The following CDKAL1 variants were observed in gnomAD, a reference collection of about 807,000 sequenced individuals.
CDKAL1 encodes threonylcarbamoyladenosine tRNA methylthiotransferase.
CDKAL1 carries 32 observed loss-of-function variants against 68.2 expected under a neutral mutation model. The observed-to-expected ratio is 0.47, with a 90% confidence interval of 0.35 to 0.63. CDKAL1 has a LOEUF of 0.63. Among genes scored for constraint, CDKAL1 ranks in the 30% least tolerant of loss-of-function variants. The pLI, the probability that CDKAL1 is intolerant of heterozygous loss-of-function variation, is 0.00. For synonymous variants in CDKAL1, 234 were observed against 244.3 expected (o/e 0.96, Z 0.39); for missense variants, 606 against 696.7 (o/e 0.87, Z 1.47).
intron 7 of CDKAL1, among the ~76,000 whole-genome samples, chr6:20,774,222 T>C (rs1032104217): frequency 4.6e-5 from 7 of 151,996 alleles, no homozygotes; most frequent in Non-Finnish European, 8.8e-5. Flanking sequence ...AGGGAAAAAA[T>C]AAACAATAGG....
intron 13 of CDKAL1, among the ~76,000 whole-genome samples, chr6:21,173,836 G>A (rs769509815): frequency 1.8e-4 from 27 of 152,226 alleles, no homozygotes; most frequent in Non-Finnish European, 2.2e-4. Flanking sequence ...TTGGGAGGCT[G>A]AGGCAAGAGT....
intron 8 of CDKAL1, among the ~76,000 whole-genome samples, chr6:20,784,412 CTTTTT>C (rs1175015329): frequency 7.2e-4 from 24 of 33,476 alleles, no homozygotes; most frequent in South Asian, 2.1e-3. Context: ...TATTTTATTT[CTTTTT>C]TTTTTTTTTT....
intron 13 of CDKAL1, among the ~76,000 whole-genome samples, chr6:21,179,753 G>C (rs1214466885): frequency 6.6e-6 from 1 of 152,160 alleles, no homozygotes; most frequent in Non-Finnish European, 1.5e-5. Context: ...AAAAAAAGAG[G>C]CTGGTCCTGG....
intron 13 of CDKAL1, among the ~76,000 whole-genome samples, chr6:21,124,074 A>C (rs1774864049): frequency 1.3e-5 from 2 of 152,226 alleles, no homozygotes; most frequent in Admixed American, 1.3e-4. Context: ...AACAAAGCCA[A>C]ATGGTTTTTA....
At chr6:20,961,813 C>T (rs56655188) in intron 10 of CDKAL1, among the ~76,000 whole-genome samples, 9,258 of 151,660 alleles carry the variant, frequency 0.061, 406 homozygotes, top group East Asian at 0.19. Context: ...TCAAGTACTA[C>T]GCTTAGTACC....
intron 7 of CDKAL1, among the ~76,000 whole-genome samples, chr6:20,773,648 C>T (rs6929760): frequency 0.96 from 145,697 of 151,978 alleles, 69,849 homozygotes; most frequent in East Asian, 1. Context: ...TCTGGGTTCA[C>T]GCCATTCTCC....
intron 15 of CDKAL1, among the ~76,000 whole-genome samples, chr6:21,220,386 G>A (rs1298261433): frequency 3.3e-5 from 5 of 152,056 alleles, no homozygotes; most frequent in Admixed American, 2.6e-4. Context: ...CCTTTTCTAC[G>A]TACCTCTCTT....
At chr6:20,920,912 G>A (rs1762924753) in intron 9 of CDKAL1, among the ~76,000 whole-genome samples, 1 of 152,134 alleles carries the variant, frequency 6.6e-6, no homozygotes, top group Non-Finnish European at 1.5e-5. Context: ...GGCCCTAACT[G>A]CTAAATGTGC....
At chr6:21,182,889 T>C (rs1343788639) in intron 13 of CDKAL1, among the ~76,000 whole-genome samples, 1 of 152,188 alleles carries the variant, frequency 6.6e-6, no homozygotes, top group Non-Finnish European at 1.5e-5. Flanking sequence ...TGCCTTAGTA[T>C]AAAATCAAAA....
chr6:21,009,910 A>C (rs1042378032), intron 11 of CDKAL1, among the ~76,000 whole-genome samples: 14 of 152,218 alleles, frequency 9.2e-5, no homozygotes, highest in African/African-American at 3.4e-4. Flanking sequence ...AGAAGGAATA[A>C]GTTCTAGTGT....
At chr6:20,660,790 G>A (rs13203361) in intron 5 of CDKAL1, among the ~76,000 whole-genome samples, 23,392 of 152,138 alleles carry the variant, frequency 0.15, 1,980 homozygotes, top group Non-Finnish European at 0.18. Context: ...TGGGAAAAGG[G>A]TTTAGTATCG....
chr6:20,986,539 A>G (rs897544990), intron 10 of CDKAL1, among the ~76,000 whole-genome samples: 1 of 151,794 alleles, frequency 6.6e-6, no homozygotes, highest in Non-Finnish European at 1.5e-5. Flanking sequence ...TTTTTTTTCT[A>G]AGGGAATGGG....
chr6:20,895,802 T>C (rs930573617), intron 9 of CDKAL1, among the ~76,000 whole-genome samples: 1 of 152,152 alleles, frequency 6.6e-6, no homozygotes, highest in Non-Finnish European at 1.5e-5. Flanking sequence ...CCCAAAAACA[T>C]GTCCAGTTGC....
intron 13 of CDKAL1, among the ~76,000 whole-genome samples, chr6:21,189,439 A>G (rs1778147892): frequency 6.6e-6 from 1 of 152,232 alleles, no homozygotes; most frequent in Admixed American, 6.5e-5. Flanking sequence ...ATTTATATCT[A>G]TTAATAAGTG....
At chr6:20,927,238 G>T (rs1763228407) in intron 9 of CDKAL1, among the ~76,000 whole-genome samples, 1 of 152,060 alleles carries the variant, frequency 6.6e-6, no homozygotes, top group Non-Finnish European at 1.5e-5. Flanking sequence ...GCAGATGGGG[G>T]TCGTTTTAAA....
chr6:20,592,351 C>A (rs1765627123), intron 4 of CDKAL1, among the ~76,000 whole-genome samples: 1 of 152,064 alleles, frequency 6.6e-6, no homozygotes, highest in Non-Finnish European at 1.5e-5. Flanking sequence ...CCCTTTATTT[C>A]TTTCTCTTGG....
intron 9 of CDKAL1, among the ~76,000 whole-genome samples, chr6:20,921,302 G>A (rs1224453942): frequency 2.0e-5 from 3 of 152,176 alleles, no homozygotes; most frequent in Non-Finnish European, 4.4e-5. Flanking sequence ...GGTGGCGTGC[G>A]CCTGTAGTCC....
chr6:20,929,302 A>G (rs190947488), intron 9 of CDKAL1, among the ~76,000 whole-genome samples: 1 of 152,320 alleles, frequency 6.6e-6, no homozygotes, highest in East Asian at 1.9e-4. Flanking sequence ...TCCCTGGGGA[A>G]GGGACACATA....
chr6:21,092,727 G>A (rs1374199707), intron 12 of CDKAL1, among the ~76,000 whole-genome samples: 9 of 126,718 alleles, frequency 7.1e-5, no homozygotes, highest in East Asian at 2.3e-4. Flanking sequence ...GCAGGAAGAC[G>A]AAAACTTAAA....
Sources: allele counts gnomAD v4.1 joint callset (sites outside exome capture counted in the v4.1 genomes callset), GRCh38; gene constraint gnomAD v4.1.1; transcripts MANE v1.5; gene names NCBI Gene and HGNC (gene_info 2026-07-23, HGNC 2026-07-21).